The following MCF2L2 variants were observed in gnomAD, a reference collection of about 807,000 sequenced individuals.
The protein encoded by MCF2L2 is MCF.2 cell line derived transforming sequence-like 2.
MCF2L2 carries 102 observed loss-of-function variants against 150.2 expected under a neutral mutation model. The ratio of observed to expected loss-of-function variants is 0.68; its 90% CI spans 0.58 to 0.80. The LOEUF (loss-of-function observed/expected upper bound fraction) is 0.80, where lower values mean the gene tolerates loss of function less well. MCF2L2 is among the 30% of genes least tolerant of loss of function. MCF2L2 has a pLI of 0.00. For synonymous variants in MCF2L2, 465 were observed against 491.3 expected (o/e 0.95, Z 0.71); for missense variants, 1,256 against 1,372.8 (o/e 0.91, Z 1.34).
rs754861123 is a variant in MCF2L2 at position 183,206,223 on chromosome 3, AAG to A, written c.2713-11_2713-10del. 6.3e-7 allele frequency: 1 copy of A among 1,598,980 alleles called. No individual in the cohort carries two copies. The highest frequency in any genetic ancestry group is 1.7e-5 in the Admixed American group (1 of 59,998). On this transcript the variant is annotated splice_polypyrimidine_tract_variant and intron_variant, in intron 23 of 29. Transcript: ENST00000328913. Reference sequence around the variant, plus strand: ...ATTGAAAGTGTCATCAGCTATTATAAAGAGGGAAGAGAAATGTTCTATACCAT... The same window carrying A: ...ATTGAAAGTGTCATCAGCTATTATAAAGGGAAGAGAAATGTTCTATACCAT...
chr3:183,216,571 TA>T (rs1722935478), intron 21 of MCF2L2, among the ~76,000 whole-genome samples: 1 of 15,124 alleles, frequency 6.6e-5, no homozygotes, highest in Non-Finnish European at 1.0e-4. Context: ...TATATATATA[TA>T]TATATATATT....
chr3:183,367,325 A>C (rs527666218), intron 3 of MCF2L2, among the ~76,000 whole-genome samples: 1 of 151,362 alleles, frequency 6.6e-6, no homozygotes, highest in South Asian at 2.1e-4. Context: ...TCCTGGGTTC[A>C]AGCGATTCTC....
At chr3:183,194,350 G>T (rs1002828074) in intron 26 of MCF2L2, among the ~76,000 whole-genome samples, 1 of 152,138 alleles carries the variant, frequency 6.6e-6, no homozygotes, top group African/African-American at 2.4e-5. Context: ...ATTGTAAGTC[G>T]CAGTAATAGA....
At chr3:183,226,058 G>C (rs1441539602) in intron 18 of MCF2L2, 1 of 152,198 alleles carries the variant, frequency 6.6e-6, no homozygotes, top group East Asian at 1.9e-4. Flanking sequence ...TGAGATCTCA[G>C]AGTACTTGGA....
chr3:183,389,409 A>G (rs1714017411), intron 2 of MCF2L2, among the ~76,000 whole-genome samples: 2 of 152,224 alleles, frequency 1.3e-5, no homozygotes, highest in East Asian at 1.9e-4. Context: ...TGATGTCAGT[A>G]GTTGTCTCTT....
At chr3:183,369,520 T>C (rs1289402283) in intron 3 of MCF2L2, among the ~76,000 whole-genome samples, 1 of 152,164 alleles carries the variant, frequency 6.6e-6, no homozygotes, top group Non-Finnish European at 1.5e-5. Context: ...AGAAGCTCAA[T>C]TGTGTGTGTG....
chr3:183,215,490 T>C (rs1212672107), intron 22 of MCF2L2, among the ~76,000 whole-genome samples: 1 of 152,214 alleles, frequency 6.6e-6, no homozygotes, highest in African/African-American at 2.4e-5. Flanking sequence ...GGGTTTTCTT[T>C]AGACTATTTG....
At chr3:183,423,476 T>G (rs1417928890) in intron 1 of MCF2L2, among the ~76,000 whole-genome samples, 6 of 152,126 alleles carry the variant, frequency 3.9e-5, no homozygotes, top group Non-Finnish European at 7.3e-5. Context: ...TAATTGGGTG[T>G]AGCCAAACAT....
At chr3:183,230,182 C>T (rs1216490258) in intron 16 of MCF2L2, among the ~76,000 whole-genome samples, 1 of 152,102 alleles carries the variant, frequency 6.6e-6, no homozygotes, top group East Asian at 1.9e-4. Flanking sequence ...GGCGTGATCT[C>T]GGCTCACTGC....
At chr3:183,369,758 A>G (rs1712752606) in intron 3 of MCF2L2, among the ~76,000 whole-genome samples, 2 of 152,114 alleles carry the variant, frequency 1.3e-5, no homozygotes, top group Admixed American at 6.6e-5. Context: ...GAACCTCCTC[A>G]TTCTTTAGTT....
intron 15 of MCF2L2, among the ~76,000 whole-genome samples, chr3:183,242,414 G>A (rs112618717): frequency 2.0e-4 from 30 of 152,292 alleles, no homozygotes; most frequent in South Asian, 2.1e-4. Flanking sequence ...GGCCCAGCCC[G>A]GGGACCCCTG....
chr3:183,396,274 G>A (rs1341152048), intron 1 of MCF2L2, among the ~76,000 whole-genome samples: 1 of 151,992 alleles, frequency 6.6e-6, no homozygotes, highest in Non-Finnish European at 1.5e-5. Flanking sequence ...CTGACATCAG[G>A]GACACACACT....
At chr3:183,351,205 TA>T (rs1731108430) in intron 3 of MCF2L2, among the ~76,000 whole-genome samples, 2 of 72,588 alleles carry the variant, frequency 2.8e-5, no homozygotes, top group Non-Finnish European at 5.0e-5. Flanking sequence ...TATATATATA[TA>T]TATATATATA....
Position 183,229,651 on chromosome 3 carries a change from T to C in MCF2L2, c.2045+15A>G. On this transcript the variant is annotated intron_variant, in intron 17 of 29. Coordinates refer to ENST00000328913, the MANE Select transcript of MCF2L2 (RefSeq NM_015078.4). ...TTACTCTCCATTCTTTCTGATAACA[T>C]GAATTATTATATACCTGTTGTGAAA... The C allele has an allele frequency of 1.7e-6, 2 of 1,152,064 alleles. No individual in the cohort carries two copies. Among genetic ancestry groups the C allele is most frequent in the East Asian group, 2.4e-5 (1 of 41,640 alleles). 71.4% of individuals were successfully genotyped at this position (1,152,064 alleles called of 1,614,324 possible).
At chr3:183,321,240 C>T (rs555823863) in intron 6 of MCF2L2, among the ~76,000 whole-genome samples, 34 of 152,266 alleles carry the variant, frequency 2.2e-4, no homozygotes, top group African/African-American at 8.2e-4. Flanking sequence ...GAGTTCAAGA[C>T]CAGCCTGGCC....
chr3:183,233,326 T>C (rs1576944967), intron 15 of MCF2L2, among the ~76,000 whole-genome samples: 1 of 150,352 alleles, frequency 6.7e-6, no homozygotes, highest in Non-Finnish European at 1.5e-5. Context: ...CACTCCAGCC[T>C]GGGCAACAAG....
intron 3 of MCF2L2, among the ~76,000 whole-genome samples, chr3:183,342,300 A>G (rs1052478319): frequency 1.3e-5 from 2 of 152,172 alleles, no homozygotes; most frequent in Non-Finnish European, 2.9e-5. Flanking sequence ...CAGAGGAAAG[A>G]GCAAGGTCTT....
Position 183,300,004 on chromosome 3 carries a change from C to A in MCF2L2, c.1305+1G>T. On this transcript the variant is annotated splice_donor_variant, in intron 11 of 29. Transcript: ENST00000328913. LOFTEE classifies it high-confidence loss of function. The stretch of plus-strand genomic sequence containing the variant: ...CATGTTCTTGGCTGTGTTTTGCTCA[C>A]CTTGTCCAGCTGTCTATGAAACTCT... 6.2e-7 allele frequency: 1 copy of A among 1,610,566 alleles called. No homozygotes were observed. The highest frequency in any genetic ancestry group is 8.5e-7 in the Non-Finnish European group (1 of 1,179,084).
intron 1 of MCF2L2, among the ~76,000 whole-genome samples, chr3:183,400,080 G>A (rs564452944): frequency 2.1e-4 from 32 of 152,170 alleles, no homozygotes; most frequent in Non-Finnish European, 3.1e-4. Context: ...ATACTTACAC[G>A]TTCCATATTA....
Sources: allele counts gnomAD v4.1 joint callset (sites outside exome capture counted in the v4.1 genomes callset), GRCh38; gene constraint gnomAD v4.1.1; transcripts MANE v1.5; gene names NCBI Gene and HGNC (gene_info 2026-07-23, HGNC 2026-07-21).